ADGRF1: variants seen among roughly 807,000 people sequenced by gnomAD.
The protein encoded by ADGRF1 is adhesion G protein-coupled receptor F1.
ADGRF1 carries 85 observed loss-of-function variants against 87.2 expected under a neutral mutation model. The ratio of observed to expected loss-of-function variants is 0.97; its 90% CI spans 0.82 to 1.17. The LOEUF (loss-of-function observed/expected upper bound fraction) is 1.17. Ranked by LOEUF, ADGRF1 falls within the 50% of genes most tolerant of loss-of-function variation. The pLI, the probability that ADGRF1 is intolerant of heterozygous loss-of-function variation, is 0.00. For missense variants in ADGRF1, 1,169 were observed against 1,077.2 expected, an observed-to-expected ratio of 1.09 and a Z score of -1.19; for synonymous variants, 430 against 408.8, an observed-to-expected ratio of 1.05 and a Z score of -0.63.
rs374122666 is a variant in ADGRF1, at chr6:47,026,006, A to G, written c.128-3T>C. On this transcript the variant is annotated splice_polypyrimidine_tract_variant and splice_region_variant and intron_variant, in intron 3 of 14. Coordinates refer to ENST00000371253, the MANE Select transcript of ADGRF1 (RefSeq NM_153840.4). ...CAGCTGATATTCTTCGACTGGGCCT[A>G]AAGAGAGAAAGAGAGTCAGAAACCT... The G allele has an allele frequency of 6.4e-7, 1 of 1,557,896 alleles. No individual in the cohort carries two copies. The highest frequency in any genetic ancestry group is 8.7e-7 in the Non-Finnish European group (1 of 1,151,186).
At position 47,014,473 on chromosome 6, in the gene ADGRF1, T is replaced by C. The variant is rs993819569; in HGVS notation, c.927+208A>G. 2.3e-5 allele frequency: 30 copies of C among 1,300,700 alleles called. No homozygotes were observed. The African/African-American group carries it at 4.2e-4, about 18-fold the overall frequency. The allele number at this position is 1,300,700 out of a possible 1,614,324, so 80.6% of individuals were successfully genotyped here. A position where few individuals can be genotyped will look rare whatever the true frequency, so the allele number is the denominator to read the frequency against. On this transcript the variant is annotated intron_variant, in intron 9 of 14. Coordinates refer to ENST00000371253, the MANE Select transcript of ADGRF1 (RefSeq NM_153840.4). ...CTGACAAAACTATCAACTCTGTCTT[T>C]TGAGCTGCAACCTAGACTCTGCTGC...
intron 12 of ADGRF1, among the ~76,000 whole-genome samples, chr6:47,006,716 T>C (rs192364545): frequency 2.4e-4 from 37 of 152,260 alleles, no homozygotes; most frequent in African/African-American, 8.9e-4. Context: ...GTCCATTGTG[T>C]CATTTTTATG....
chr6:47,005,916 C>A (rs2113876865), intron 12 of ADGRF1, 40 bp from the exon 13 acceptor site: 1 of 1,320,454 alleles, frequency 7.6e-7, no homozygotes, highest in Non-Finnish European at 1.1e-6. Context: ...GATACACATA[C>A]AATCATACAC....
chr6:47,010,442 C>T, intron 10 of ADGRF1, 124 bp from the exon 11 acceptor site: 1 of 786,684 alleles, frequency 1.3e-6, no homozygotes, highest in African/African-American at 1.7e-5. Flanking sequence ...TCACGAACCA[C>T]ATTAAAACTC....
In ADGRF1 at chr6:47,009,721, A is replaced by G. The variant is rs747207929; in HGVS notation, c.1714T>C (p.Leu572=). 8 of 1,614,210 alleles carry G rather than the reference A, an allele frequency of 5.0e-6. No individual in the cohort carries two copies. The highest frequency in any genetic ancestry group is 2.2e-5 in the East Asian group (1 of 44,882). The change falls in exon 11 of 15, where the codon TTG becomes CTG. Residue 572 remains leucine (L), a synonymous_variant. Coordinates refer to ENST00000371253, the MANE Select transcript of ADGRF1 (RefSeq NM_153840.4). ...GTAGAGGGGACAAAAGGTGACATCAATATGGAGAAGGAGGTCAAGTGAGTA... is the reference window on the plus strand; with the variant it reads ...GTAGAGGGGACAAAAGGTGACATCAGTATGGAGAAGGAGGTCAAGTGAGTA... ...QCTHLTSFSI[L]MSPFVPSTIF... is the part of the protein sequence containing the mutation.
At position 47,027,727 on chromosome 6, in the gene ADGRF1, A is replaced by T. The variant is rs370565777; in HGVS notation, c.104T>A (p.Ile35Asn). The T allele has an allele frequency of 2.3e-5, 37 of 1,603,984 alleles. No individual in the cohort carries two copies. In the African/African-American group the frequency reaches 4.7e-4, roughly 20 times the overall value. ...ACCTAGATGTTTTTTCTTATTCACA[A>T]TGAGTTCTTTTTTTGTTTTGATGCC... ...NDGIKTKKELIVNKKKHLGPV... is the reference protein window; with the variant it reads ...NDGIKTKKELNVNKKKHLGPV... Residue 35 changes from isoleucine to asparagine, a missense_variant, in exon 3 of 15, where the codon ATT becomes AAT. Physicochemically the swap from Ile to Asn is moderately radical, Grantham distance 149. Coordinates refer to ENST00000371253, the MANE Select transcript of ADGRF1 (RefSeq NM_153840.4).
intron 12 of ADGRF1, among the ~76,000 whole-genome samples, chr6:47,006,571 G>T (rs914491228): frequency 1.3e-5 from 2 of 152,132 alleles, no homozygotes; most frequent in South Asian, 4.2e-4. Flanking sequence ...AGTGGTGTTT[G>T]GTTACATGAG....
Position 47,027,567 on chromosome 6 carries a change from G to T in ADGRF1, c.127+137C>A, listed in dbSNP as rs1780276664. ...AAACGTCTTGCTCATAGGAATTACT[G>T]TCATTCTCCTTGTACATATTTGGAT... On this transcript the variant is annotated intron_variant, in intron 3 of 14. Transcript: ENST00000371253. The T allele has an allele frequency of 8.1e-6, 5 of 614,412 alleles. No homozygotes were observed. In the Admixed American group the frequency reaches 9.1e-5, roughly 11 times the overall value. 38.1% of individuals were successfully genotyped at this position (614,412 alleles called of 1,614,324 possible). A position where few individuals can be genotyped will look rare whatever the true frequency, so the allele number is the denominator to read the frequency against.
intron 13 of ADGRF1, among the ~76,000 whole-genome samples, chr6:47,003,023 G>A (rs188521561): frequency 2.6e-5 from 4 of 152,174 alleles, no homozygotes; most frequent in African/African-American, 7.2e-5. Context: ...ATCAAGGTTC[G>A]AACTCTCTAT....
At chr6:47,037,351 A>C (rs1410933071) in intron 1 of ADGRF1, among the ~76,000 whole-genome samples, 3 of 150,300 alleles carry the variant, frequency 2.0e-5, no homozygotes, top group African/African-American at 7.4e-5. Context: ...TGTTTTAGGA[A>C]CTCTTTTGTC....
rs1272961814 is a variant in ADGRF1, at chr6:47,010,053, C to T, written c.1382G>A (p.Arg461Lys). 1.2e-6 allele frequency: 2 copies of T among 1,614,124 alleles called. No individual in the cohort carries two copies. The highest frequency in any genetic ancestry group is 8.5e-7 in the Non-Finnish European group (1 of 1,180,032). Residue 461 changes from arginine to lysine, a missense_variant, in exon 11 of 15, where the codon AGA becomes AAA. Transcript: ENST00000371253. ...GTCTGACCCAATTAACACACGGCCTCTGATGGGAATAGATGTATTTTGGGG... is the reference window on the plus strand; with the variant it reads ...GTCTGACCCAATTAACACACGGCCTTTGATGGGAATAGATGTATTTTGGGG... ...MCPQNTSIPI[R>K]GRVLIGSDQF... is the part of the protein sequence containing the mutation.
intron 6 of ADGRF1, among the ~76,000 whole-genome samples, chr6:47,021,047 C>A (rs912453480): frequency 6.6e-6 from 1 of 152,088 alleles, no homozygotes. Context: ...TGTGAATAAC[C>A]AACTGCTTAG....
intron 1 of ADGRF1, among the ~76,000 whole-genome samples, chr6:47,037,276 C>G (rs1191187606): frequency 6.6e-6 from 1 of 152,092 alleles, no homozygotes; most frequent in African/African-American, 2.4e-5. Flanking sequence ...TTTTTTCCAG[C>G]TTGACTATTT....
Position 47,041,523 on chromosome 6 carries a change from AT to A in ADGRF1, c.-44+667del, listed in dbSNP as rs1780743089. On this transcript the variant is annotated intron_variant, in intron 1 of 14. Coordinates refer to ENST00000371253, the MANE Select transcript of ADGRF1 (RefSeq NM_153840.4). Reference sequence around the variant, plus strand: ...TAGGCTATCAGGTTTACATAAATGGATTTTTCATGAAAACAAAGAAAAGAGA... The same window carrying A: ...TAGGCTATCAGGTTTACATAAATGGATTTTCATGAAAACAAAGAAAAGAGA... Among the ~76,000 whole-genome samples the A allele has an allele frequency of 1.3e-5, 2 of 152,130 alleles. 1 individual carries two copies. Among genetic ancestry groups the A allele is most frequent in the South Asian group, 4.1e-4 (2 of 4,822 alleles).
At chr6:47,015,884 C>A (rs566317206) in intron 8 of ADGRF1, among the ~76,000 whole-genome samples, 1 of 152,132 alleles carries the variant, frequency 6.6e-6, no homozygotes, top group Non-Finnish European at 1.5e-5. Context: ...AGGCTTTAGC[C>A]ACTGCACTGG....
At chr6:47,017,938 G>A (rs1457472954) in intron 7 of ADGRF1, 1 of 156,320 alleles carries the variant, frequency 6.4e-6, no homozygotes, top group African/African-American at 2.4e-5. Flanking sequence ...ACATAACTGT[G>A]TGCAAGTTAT....
rs9349385 is a variant in ADGRF1, at chr6:47,032,479, T to C, written c.-43-3375A>G. On this transcript the variant is annotated intron_variant, in intron 1 of 14. Coordinates refer to ENST00000371253, the MANE Select transcript of ADGRF1 (RefSeq NM_153840.4). ...GTCTTATCTGAAATTCAAATTTAAC[T>C]GGACATCCTATATTTGACAACTAGT... 8.9e-4 allele frequency among the ~76,000 whole-genome samples: 136 copies of C among 152,358 alleles called. No individual in the cohort carries two copies. In the East Asian group the frequency reaches 0.024, roughly 27 times the overall value.
intron 2 of ADGRF1, among the ~76,000 whole-genome samples, chr6:47,028,490 G>C (rs953950314): frequency 2.0e-5 from 3 of 152,170 alleles, no homozygotes; most frequent in African/African-American, 4.8e-5. Context: ...TCCGAGGTCC[G>C]CTGGATTCCC....
In ADGRF1 at chr6:47,009,016, C is replaced by A; in HGVS notation, c.2419G>T (p.Gly807Ter). 1 of 1,613,926 alleles carries A rather than the reference C, an allele frequency of 6.2e-7. No individual in the cohort carries two copies. Among genetic ancestry groups the A allele is most frequent in the Admixed American group, 1.7e-5 (1 of 59,992 alleles). Reference sequence around the variant, plus strand: ...TGGCTGTCCACTATTGTTCCTATTCCAAAGCCCCAGGTGAGCCCTAGCAGA... The same window carrying A: ...TGGCTGTCCACTATTGTTCCTATTCAAAAGCCCCAGGTGAGCCCTAGCAGA... ...TPLLGLTWGF[G>*]IGTIVDSQNL... Residue 807 changes from glycine to a stop codon, truncating the protein, a stop_gained, in exon 11 of 15, where the codon GGA becomes TGA. Transcript: ENST00000371253. LOFTEE classifies it high-confidence loss of function.
Sources: allele counts gnomAD v4.1 joint callset (sites outside exome capture counted in the v4.1 genomes callset), GRCh38; gene constraint gnomAD v4.1.1; transcripts MANE v1.5; gene names NCBI Gene and HGNC (gene_info 2026-07-23, HGNC 2026-07-21).